Variants in DCC observed in about 807,000 individuals in gnomAD.
The protein encoded by DCC is netrin receptor DCC.
A neutral mutation model predicts 172.5 loss-of-function variants in DCC; 58 were observed. That is an observed-to-expected ratio of 0.34 (90% confidence interval 0.27 to 0.42). The LOEUF (loss-of-function observed/expected upper bound fraction) is 0.42, where lower values mean the gene tolerates loss of function less well. Among genes scored for constraint, DCC ranks in the 10% least tolerant of loss-of-function variants. The pLI, the probability that DCC is intolerant of heterozygous loss-of-function variation, is 1.00. For missense variants in DCC, 1,740 were observed against 1,791.0 expected (o/e 0.97, Z 0.51); for synonymous variants, 709 against 644.5 (o/e 1.10, Z -1.52).
chr18:53,061,093 G>A (rs532148471), intron 5 of DCC, among the ~76,000 whole-genome samples: 11 of 152,184 alleles, frequency 7.2e-5, no homozygotes, highest in African/African-American at 2.6e-4. Flanking sequence ...ATTATGCACT[G>A]TTATTTGCAA....
At chr18:53,423,346 T>C (rs917691075) in intron 21 of DCC, among the ~76,000 whole-genome samples, 4 of 152,168 alleles carry the variant, frequency 2.6e-5, no homozygotes, top group African/African-American at 9.7e-5. Context: ...CGCTTCAATT[T>C]TCTTTCCAAA....
chr18:53,515,979 C>A (rs1179926151), intron 27 of DCC, among the ~76,000 whole-genome samples: 8 of 150,684 alleles, frequency 5.3e-5, no homozygotes, highest in Non-Finnish European at 1.5e-5. Context: ...CAAAAAAGAG[C>A]CCGCATCACC....
rs533704921 is a variant in DCC, at chr18:53,091,922, T to C, written c.1261+25756T>C. On this transcript the variant is annotated intron_variant, in intron 7 of 28. Transcript: ENST00000442544. ...ATTTGATATATTTATCTTTAAAATA[T>C]TGAATTCTGAATACCATTGGCTAGC... 5.2e-4 allele frequency among the ~76,000 whole-genome samples: 79 copies of C among 152,102 alleles called. 1 individual carries two copies. The Middle Eastern group carries it at 0.021, about 40-fold the overall frequency.
At chr18:52,819,680 C>A (rs1286684236) in intron 2 of DCC, among the ~76,000 whole-genome samples, 2 of 151,770 alleles carry the variant, frequency 1.3e-5, no homozygotes, top group African/African-American at 2.4e-5. Context: ...TTTGAGTAAA[C>A]CTAAACCTAA....
intron 1 of DCC, among the ~76,000 whole-genome samples, chr18:52,614,063 A>AT (rs993268545): frequency 4.0e-5 from 6 of 151,794 alleles, no homozygotes; most frequent in East Asian, 1.9e-4. Flanking sequence ...CGCTTTCCAA[A>AT]TTTTTTTTTC....
chr18:52,927,156 TAC>T (rs1282793356), intron 5 of DCC, among the ~76,000 whole-genome samples: 2,168 of 24,856 alleles, frequency 0.087, 469 homozygotes, highest in African/African-American at 0.16. Flanking sequence ...TGTGTATATA[TAC>T]GTATATATGT....
intron 26 of DCC, among the ~76,000 whole-genome samples, chr18:53,488,649 G>T (rs953966368): frequency 2.0e-5 from 3 of 152,092 alleles, no homozygotes; most frequent in Admixed American, 6.6e-5. Context: ...TGGGGAAAAT[G>T]ATTCCAAAAG....
At chr18:52,602,879 C>T (rs1485374676) in intron 1 of DCC, among the ~76,000 whole-genome samples, 1 of 151,988 alleles carries the variant, frequency 6.6e-6, no homozygotes, top group African/African-American at 2.4e-5. Flanking sequence ...AGGTTATTGT[C>T]ACACTTAACC....
chr18:52,794,648 G>A (rs2037838304), intron 2 of DCC, among the ~76,000 whole-genome samples: 1 of 151,848 alleles, frequency 6.6e-6, no homozygotes, highest in Non-Finnish European at 1.5e-5. Flanking sequence ...CTTGATTGCT[G>A]TGCTAGCACT....
At chr18:52,446,455 CT>C (rs1988126066) in intron 1 of DCC, among the ~76,000 whole-genome samples, 5 of 152,316 alleles carry the variant, frequency 3.3e-5, no homozygotes, top group Admixed American at 3.3e-4. Context: ...ACTTCATCAA[CT>C]ACTTCTCTAG....
intron 3 of DCC, among the ~76,000 whole-genome samples, chr18:52,917,178 G>C (rs925988968): frequency 6.6e-6 from 1 of 151,072 alleles, no homozygotes; most frequent in African/African-American, 2.4e-5. Context: ...ATATTGGCTG[G>C]ACGTAGTGAC....
intron 3 of DCC, among the ~76,000 whole-genome samples, chr18:52,909,326 C>T (rs1375377997): frequency 2.6e-5 from 4 of 152,140 alleles, no homozygotes; most frequent in African/African-American, 9.6e-5. Flanking sequence ...CAACATGGTA[C>T]CAGAATGGTT....
At chr18:53,269,083 T>C (rs984108307) in intron 12 of DCC, among the ~76,000 whole-genome samples, 6 of 152,070 alleles carry the variant, frequency 3.9e-5, no homozygotes, top group African/African-American at 1.2e-4. Flanking sequence ...TCCTGATAGA[T>C]GTGTGTGCGT....
intron 1 of DCC, among the ~76,000 whole-genome samples, chr18:52,541,165 G>A (rs2032434945): frequency 6.6e-6 from 1 of 152,132 alleles, no homozygotes; most frequent in Non-Finnish European, 1.5e-5. Context: ...TATACAAGTG[G>A]ATAAGTCAAG....
chr18:53,411,987 A>G (rs961604698), intron 20 of DCC, among the ~76,000 whole-genome samples: 23 of 152,166 alleles, frequency 1.5e-4, no homozygotes, highest in African/African-American at 5.5e-4. Context: ...GCCAACTGAG[A>G]GATCTGAGGA....
rs139696067 is a variant in DCC at position 53,324,296 on chromosome 18, T to TA, written c.2164+2140dup. 8.0e-3 allele frequency among the ~76,000 whole-genome samples: 1,213 copies of TA among 152,314 alleles called. 17 individuals are homozygous for TA. The highest frequency in any genetic ancestry group is 0.027 in the African/African-American group (1,134 of 41,582). ...GAGTTCATACCCATCACTAATAGCT[T>TA]AGAAAACTTTCATTCATGTGTTTAT... On this transcript the variant is annotated intron_variant, in intron 14 of 28. Coordinates refer to ENST00000442544, the MANE Select transcript of DCC (RefSeq NM_005215.4).
chr18:52,674,001 G>A (rs992775278), intron 1 of DCC, among the ~76,000 whole-genome samples: 2 of 152,038 alleles, frequency 1.3e-5, no homozygotes, highest in Non-Finnish European at 2.9e-5. Flanking sequence ...GGCTAGACTG[G>A]GCTTTTTCAC....
chr18:52,403,962 G>A (rs1023833270), intron 1 of DCC, among the ~76,000 whole-genome samples: 17 of 151,998 alleles, frequency 1.1e-4, no homozygotes, highest in African/African-American at 3.9e-4. Context: ...CAATTAGTAA[G>A]CATTAACCCT....
At chr18:53,414,412 CTG>C (rs1910176537) in intron 20 of DCC, among the ~76,000 whole-genome samples, 1 of 152,096 alleles carries the variant, frequency 6.6e-6, no homozygotes, top group Admixed American at 6.6e-5. Context: ...TGGGGCAAGT[CTG>C]TGGCTTTGAA....
Sources: gnomAD v4.1 joint callset for allele counts (sites outside exome capture counted in the v4.1 genomes callset) on GRCh38, gnomAD v4.1.1 for gene constraint, MANE v1.5 for transcripts, NCBI Gene and HGNC (gene_info 2026-07-23, HGNC 2026-07-21) for gene names.